Variants in CYP4F22 observed in about 807,000 individuals in gnomAD.
CYP4F22 encodes ultra-long-chain fatty acid omega-hydroxylase.
CYP4F22 carries 37 observed loss-of-function variants against 60.4 expected under a neutral mutation model. The ratio of observed to expected loss-of-function variants is 0.61; its 90% CI spans 0.47 to 0.81. CYP4F22 has a LOEUF of 0.81. CYP4F22 is among the 30% of genes least tolerant of loss of function. The pLI, the probability that CYP4F22 is intolerant of heterozygous loss-of-function variation, is 0.00. For missense variants in CYP4F22, 655 were observed against 715.0 expected (o/e 0.92, Z 0.96); for synonymous variants, 258 against 280.5 (o/e 0.92, Z 0.80).
At chr19:15,509,903 TC>T (rs796749245) in intron 1 of CYP4F22, among the ~76,000 whole-genome samples, 2,573 of 113,658 alleles carry the variant, frequency 0.023, 153 homozygotes, top group East Asian at 0.18. Flanking sequence ...CTTCCTTCCT[TC>T]CTTTCTTTCT....
intron 3 of CYP4F22, among the ~76,000 whole-genome samples, chr19:15,529,133 A>ATTTT (rs60549680): frequency 2.0e-5 from 2 of 100,624 alleles, no homozygotes; most frequent in African/African-American, 6.4e-5. Flanking sequence ...ATTTTATTTT[A>ATTTT]TTTTTTTTTT....
intron 7 of CYP4F22, among the ~76,000 whole-genome samples, chr19:15,538,382 T>C (rs1273494467): frequency 2.0e-5 from 3 of 152,236 alleles, no homozygotes; most frequent in African/African-American, 7.2e-5. Context: ...AATCTCTTAC[T>C]TTCTGAGAGA....
At chr19:15,548,960 C>T (rs1180038162) in intron 11 of CYP4F22, among the ~76,000 whole-genome samples, 178 bp from the exon 12 acceptor site, 2 of 152,070 alleles carry the variant, frequency 1.3e-5, no homozygotes, top group African/African-American at 4.8e-5. Context: ...ATAGGTTCCT[C>T]TTAGGGAAAG....
chr19:15,509,187 G>C (rs1228949198), intron 1 of CYP4F22, among the ~76,000 whole-genome samples: 1 of 152,128 alleles, frequency 6.6e-6, no homozygotes, highest in Non-Finnish European at 1.5e-5. Flanking sequence ...TCCTGGGGTT[G>C]GTCCCAGGTG....
At chr19:15,511,140 AT>A (rs1971087028) in intron 1 of CYP4F22, among the ~76,000 whole-genome samples, 1 of 149,886 alleles carries the variant, frequency 6.7e-6, no homozygotes, top group South Asian at 2.1e-4. Context: ...CTAATTTTGT[AT>A]TTTTAGTAGA....
intron 6 of CYP4F22, 38 bp downstream of exon 6, chr19:15,537,700 G>T (rs1313998116): frequency 1.9e-6 from 3 of 1,608,128 alleles, no homozygotes. Flanking sequence ...GGTGTCTTGG[G>T]AGTGAGGCTG....
intron 12 of CYP4F22, 95 bp downstream of exon 12, chr19:15,549,297 C>A: frequency 1.6e-6 from 2 of 1,212,478 alleles, no homozygotes; most frequent in Non-Finnish European, 2.4e-6. Flanking sequence ...GGCCTGAGTG[C>A]GCACACCCCT....
At chr19:15,538,242 G>A (rs1010753367) in intron 7 of CYP4F22, among the ~76,000 whole-genome samples, 1 of 152,068 alleles carries the variant, frequency 6.6e-6, no homozygotes, top group African/African-American at 2.4e-5. Context: ...TGAATCAATG[G>A]CTTGGTATAA....
Position 15,537,562 on chromosome 19 carries a change from A to G in CYP4F22, c.449A>G (p.Asp150Gly), listed in dbSNP as rs756321971. The G allele has an allele frequency of 4.3e-6, 7 of 1,614,172 alleles. No homozygotes were observed. In the East Asian group the frequency reaches 1.3e-4, roughly 31 times the overall value. The change falls in exon 6 of 14, where the codon GAC (aspartate) becomes GGC (glycine). Residue 150 changes from aspartate to glycine, a missense_variant. Transcript: ENST00000269703. ...LGDGLLLSKG[D>G]KWSRHRRLLT... ...GATGGGCTGCTGCTCAGCAAAGGTG[A>G]CAAGTGGAGCCGGCACCGTCGCCTG... is the stretch of plus-strand genomic sequence containing the variant.
At chr19:15,509,676 C>T (rs1013828090) in intron 1 of CYP4F22, among the ~76,000 whole-genome samples, 1 of 152,128 alleles carries the variant, frequency 6.6e-6, no homozygotes. Context: ...AAAAAACAAG[C>T]CCTGTTTGAC....
At chr19:15,547,468 A>T (rs1033386993) in intron 10 of CYP4F22, among the ~76,000 whole-genome samples, 1 of 152,172 alleles carries the variant, frequency 6.6e-6, no homozygotes, top group Non-Finnish European at 1.5e-5. Flanking sequence ...TGCTGGGCCC[A>T]GCAGAGGGCC....
chr19:15,540,832 C>A (rs760226884), intron 8 of CYP4F22, 115 bp downstream of exon 8: 5 of 1,370,928 alleles, frequency 3.6e-6, no homozygotes, highest in South Asian at 1.3e-5. Flanking sequence ...CACGTGTAAT[C>A]CCAGCGCTTT....
intron 10 of CYP4F22, among the ~76,000 whole-genome samples, chr19:15,545,255 A>G (rs563496817): frequency 2.2e-4 from 34 of 152,328 alleles, no homozygotes; most frequent in Admixed American, 1.6e-3. Flanking sequence ...GGGTACAGGT[A>G]TATAATTCTA....
intron 3 of CYP4F22, among the ~76,000 whole-genome samples, chr19:15,527,594 G>T (rs953336709): frequency 1.3e-5 from 2 of 152,238 alleles, no homozygotes; most frequent in African/African-American, 4.8e-5. Flanking sequence ...CTAAAGCCCA[G>T]CCTTGACGTT....
intron 1 of CYP4F22, chr19:15,516,710 T>G: frequency 1.8e-6 from 1 of 552,242 alleles, no homozygotes; most frequent in South Asian, 2.0e-5. Flanking sequence ...TACAAATTCA[T>G]TCTTGTTGTT....
Position 15,529,836 on chromosome 19 carries a change from C to T in CYP4F22, c.350C>T (p.Pro117Leu), listed in dbSNP as rs201148124. 360 of 1,614,038 alleles carry T rather than the reference C, an allele frequency of 2.2e-4. 4 individuals are homozygous for T. The South Asian group carries it at 2.7e-3, about 12-fold the overall frequency. The change falls in exon 4 of 14, where the codon CCC becomes CTC. Residue 117 changes from proline (P) to leucine (L), a missense_variant. This residue lies in a region of CYP4F22 where 430 missense variants were observed against 457.1 expected (regional missense o/e 0.94). Coordinates refer to ENST00000269703, the MANE Select transcript of CYP4F22 (RefSeq NM_173483.4). ...LVLVHPDYIK[P>L]LLGASAAIAP... ...CTGGTGCACCCTGATTACATCAAAC[C>T]CCTTTTGGGAGCCTCAGGTACGTGG... is the stretch of plus-strand genomic sequence containing the variant.
chr19:15,533,662 G>A (rs2144523298), intron 4 of CYP4F22, among the ~76,000 whole-genome samples: 1 of 142,082 alleles, frequency 7.0e-6, no homozygotes, highest in Admixed American at 7.5e-5. Context: ...CAGTGGTGTA[G>A]CCATAACTCA....
chr19:15,513,358 T>C (rs1299044810), intron 1 of CYP4F22, among the ~76,000 whole-genome samples: 2 of 86,670 alleles, frequency 2.3e-5, no homozygotes, highest in African/African-American at 1.1e-4. Flanking sequence ...TGTATATATA[T>C]ATATTTTTTT....
chr19:15,509,904 C>CCTTCTTTCTTTCTTTCTTT (rs1323141197), intron 1 of CYP4F22, among the ~76,000 whole-genome samples: 17 of 86,782 alleles, frequency 2.0e-4, no homozygotes, highest in East Asian at 4.6e-4. Context: ...TTCCTTCCTT[C>CCTTCTTTCTTTCTTTCTTT]CTTTCTTTCT....
Sources: gnomAD v4.1 joint callset for allele counts (sites outside exome capture counted in the v4.1 genomes callset) on GRCh38, gnomAD v4.1.1 for gene constraint, gnomAD v4.1.1 regional missense constraint, MANE v1.5 for transcripts, NCBI Gene and HGNC (gene_info 2026-07-23, HGNC 2026-07-21) for gene names.